PLCH1: variants seen among roughly 807,000 people sequenced by gnomAD.
PLCH1 encodes the protein 1-phosphatidylinositol 4,5-bisphosphate phosphodiesterase eta-1.
PLCH1 carries 60 observed loss-of-function variants against 126.7 expected under a neutral mutation model. The ratio of observed to expected loss-of-function variants is 0.47; its 90% CI spans 0.38 to 0.59. The LOEUF (loss-of-function observed/expected upper bound fraction) is 0.59. Ranked by LOEUF, PLCH1 falls within the 20% of genes least tolerant of loss-of-function variation. The probability of loss-of-function intolerance (pLI) is 0.00; values close to 1 mark genes in which losing one functional copy is unlikely to be tolerated. For missense variants in PLCH1, 1,723 were observed against 2,040.0 expected, an observed-to-expected ratio of 0.84 and a Z score of 2.99; for synonymous variants, 719 against 734.9, an observed-to-expected ratio of 0.98 and a Z score of 0.35.
intron 2 of PLCH1, among the ~76,000 whole-genome samples, chr3:155,630,782 T>C (rs1198485950): frequency 6.6e-6 from 1 of 152,224 alleles, no homozygotes; most frequent in Non-Finnish European, 1.5e-5. Context: ...TATTCTTCTT[T>C]ATTCTCTTCC....
intron 2 of PLCH1, among the ~76,000 whole-genome samples, chr3:155,616,473 T>C (rs1391861809): frequency 6.6e-6 from 1 of 152,170 alleles, no homozygotes; most frequent in African/African-American, 2.4e-5. Flanking sequence ...AATAACAGAG[T>C]TCTCTTGGAG....
intron 2 of PLCH1, among the ~76,000 whole-genome samples, chr3:155,602,653 T>C (rs1227550476): frequency 6.6e-6 from 1 of 152,166 alleles, no homozygotes; most frequent in African/African-American, 2.4e-5. Context: ...CTGAATACTA[T>C]AGGCAATTGT....
intron 11 of PLCH1, among the ~76,000 whole-genome samples, chr3:155,520,466 A>C (rs558408646): frequency 6.6e-6 from 1 of 152,206 alleles, no homozygotes; most frequent in Non-Finnish European, 1.5e-5. Context: ...TGTTTATGGG[A>C]TCAGCTTTAC....
At chr3:155,681,030 T>C (rs1024850395) in intron 2 of PLCH1, among the ~76,000 whole-genome samples, 2 of 152,148 alleles carry the variant, frequency 1.3e-5, no homozygotes, top group Admixed American at 6.5e-5. Flanking sequence ...AAATATAGAA[T>C]ATAGACATAT....
At chr3:155,474,368 C>T (rs1288844023) in intron 21 of PLCH1, among the ~76,000 whole-genome samples, 2 of 150,154 alleles carry the variant, frequency 1.3e-5, no homozygotes, top group East Asian at 4.2e-4. Context: ...AAATCAAAAC[C>T]ACAATGAGAT....
At chr3:155,497,536 C>T (rs1717232974) in intron 14 of PLCH1, 119 bp from the exon 15 acceptor site, 2 of 704,818 alleles carry the variant, frequency 2.8e-6, no homozygotes, top group Non-Finnish European at 4.9e-6. Context: ...GCCCCAGGTC[C>T]TAAGGGAGCC....
chr3:155,541,121 A>G (rs1472482596), intron 10 of PLCH1, among the ~76,000 whole-genome samples: 1 of 152,214 alleles, frequency 6.6e-6, no homozygotes, highest in African/African-American at 2.4e-5. Flanking sequence ...CATTATTCTA[A>G]GTGAAGTAAC....
chr3:155,497,432 C>G lies in PLCH1; in HGVS notation c.1797-15G>C. The G allele has an allele frequency of 6.4e-7, 1 of 1,560,712 alleles. No homozygotes were observed. Among genetic ancestry groups the G allele is most frequent in the Middle Eastern group, 1.7e-4 (1 of 5,958 alleles). On this transcript the variant is annotated splice_polypyrimidine_tract_variant and intron_variant, in intron 14 of 22. Transcript: ENST00000460012. ...GGCGACCCAATCTGTGAAGTACCCACAGAGGATGCATGACATTTTGGAGTT... is the reference window on the plus strand; with the variant it reads ...GGCGACCCAATCTGTGAAGTACCCAGAGAGGATGCATGACATTTTGGAGTT...
At chr3:155,642,593 G>A (rs1739529035) in intron 2 of PLCH1, among the ~76,000 whole-genome samples, 1 of 152,138 alleles carries the variant, frequency 6.6e-6, no homozygotes, top group Non-Finnish European at 1.5e-5. Flanking sequence ...TCTGTGGAGG[G>A]CCCAAATAGA....
intron 1 of PLCH1, among the ~76,000 whole-genome samples, chr3:155,731,401 C>A (rs1374061045): frequency 6.6e-6 from 1 of 152,174 alleles, no homozygotes; most frequent in Non-Finnish European, 1.5e-5. Context: ...AGCAGGCTAA[C>A]CCTCATGGAC....
chr3:155,637,580 T>C (rs1738887265), intron 2 of PLCH1, among the ~76,000 whole-genome samples: 1 of 152,238 alleles, frequency 6.6e-6, no homozygotes. Flanking sequence ...TTTGCCCTTT[T>C]GCTATGGAAA....
intron 1 of PLCH1, among the ~76,000 whole-genome samples, chr3:155,714,310 C>G (rs980097108): frequency 6.6e-6 from 1 of 152,190 alleles, no homozygotes; most frequent in Non-Finnish European, 1.5e-5. Context: ...CAGGGATCCT[C>G]TTCTCTGGCC....
intron 15 of PLCH1, among the ~76,000 whole-genome samples, chr3:155,494,991 C>T (rs186384783): frequency 2.6e-4 from 40 of 151,966 alleles, no homozygotes; most frequent in Admixed American, 1.2e-3. Context: ...CTAGTAACAT[C>T]CAGGATCCAA....
intron 5 of PLCH1, 90 bp from the exon 6 acceptor site, chr3:155,583,732 G>T: frequency 2.3e-6 from 2 of 874,660 alleles, no homozygotes; most frequent in Non-Finnish European, 3.3e-6. Flanking sequence ...AAAAGAGCTA[G>T]TACACAAATC....
At chr3:155,682,935 A>C (rs182420331) in intron 2 of PLCH1, among the ~76,000 whole-genome samples, 1 of 152,332 alleles carries the variant, frequency 6.6e-6, no homozygotes, top group East Asian at 1.9e-4. Context: ...TGTTTTACTC[A>C]GAGAGCAGGC....
intron 17 of PLCH1, 24 bp downstream of exon 17, chr3:155,494,117 T>C: frequency 6.4e-7 from 1 of 1,550,702 alleles, no homozygotes; most frequent in Non-Finnish European, 8.9e-7. Flanking sequence ...CACCTGCATT[T>C]ATGACTATGA....
chr3:155,728,321 G>A (rs1202626094), intron 1 of PLCH1, among the ~76,000 whole-genome samples: 1 of 151,972 alleles, frequency 6.6e-6, no homozygotes, highest in East Asian at 1.9e-4. Flanking sequence ...ATTAACTCAG[G>A]GCCTGCCACT....
intron 7 of PLCH1, among the ~76,000 whole-genome samples, chr3:155,566,148 T>TACATATATACACGTATATAC (rs1728368586): frequency 9.0e-5 from 12 of 133,976 alleles, no homozygotes; most frequent in African/African-American, 2.9e-4. Flanking sequence ...TATGTATATA[T>TACATATATACACGTATATAC]ACATATATAC....
At chr3:155,634,731 C>G (rs1472852716) in intron 2 of PLCH1, among the ~76,000 whole-genome samples, 1 of 152,192 alleles carries the variant, frequency 6.6e-6, no homozygotes, top group Non-Finnish European at 1.5e-5. Flanking sequence ...AAAGCCAAAC[C>G]AAGCCTCATG....
Sources: gnomAD v4.1 joint callset for allele counts (sites outside exome capture counted in the v4.1 genomes callset) on GRCh38, gnomAD v4.1.1 for gene constraint, MANE v1.5 for transcripts, NCBI Gene and HGNC (gene_info 2026-07-23, HGNC 2026-07-21) for gene names.